Variants in WDPCP observed in about 807,000 individuals in gnomAD.
WDPCP encodes WD repeat containing planar cell polarity effector, also known as WD repeat-containing and planar cell polarity effector protein fritz homolog.
A neutral mutation model predicts 93.1 loss-of-function variants in WDPCP; 71 were observed. The observed-to-expected ratio is 0.76, with a 90% CI of 0.63 to 0.93. The LOEUF is 0.93. Among genes scored for constraint, WDPCP ranks in the 40% least tolerant of loss-of-function variants. The pLI, the probability that WDPCP is intolerant of heterozygous loss-of-function variation, is 0.00. For synonymous variants in WDPCP, 315 were observed against 315.0 expected (o/e 1.00, Z 0.00); for missense variants, 844 against 887.4 (o/e 0.95, Z 0.62).
At chr2:63,796,128 G>A (rs1352808800) in intron 2 of WDPCP, among the ~76,000 whole-genome samples, 1 of 152,216 alleles carries the variant, frequency 6.6e-6, no homozygotes, top group East Asian at 1.9e-4. Context: ...TTCTCTCTGT[G>A]TGCTGTAATT....
At chr2:63,555,795 GAAC>G (rs898763130) in intron 1 of WDPCP, among the ~76,000 whole-genome samples, 4 of 151,590 alleles carry the variant, frequency 2.6e-5, no homozygotes, top group East Asian at 1.9e-4. Context: ...AAACAGAAAG[GAAC>G]AACAACAACA....
intron 13 of WDPCP, among the ~76,000 whole-genome samples, chr2:63,269,315 T>C (rs1278889842): frequency 1.3e-5 from 2 of 152,182 alleles, no homozygotes. Flanking sequence ...CCAATTTGAC[T>C]TATATTAGCA....
At chr2:63,387,730 T>A (rs1264917698) in intron 10 of WDPCP, among the ~76,000 whole-genome samples, 1 of 100,576 alleles carries the variant, frequency 9.9e-6, no homozygotes, top group Non-Finnish European at 2.2e-5. Context: ...GGAAACCCAA[T>A]AGTCTGCCCA....
At chr2:63,179,668 C>G (rs945863450) in intron 14 of WDPCP, among the ~76,000 whole-genome samples, 3 of 152,008 alleles carry the variant, frequency 2.0e-5, no homozygotes, top group African/African-American at 7.2e-5. Context: ...TCCTTTATAG[C>G]AATCCAAGAA....
At chr2:63,286,847 AG>A (rs1684041908) in intron 13 of WDPCP, among the ~76,000 whole-genome samples, 1 of 152,092 alleles carries the variant, frequency 6.6e-6, no homozygotes, top group Admixed American at 6.5e-5. Context: ...TTTTTTATCA[AG>A]TTTTCTTTGT....
At chr2:63,450,331 C>T (rs1012867825) in intron 6 of WDPCP, among the ~76,000 whole-genome samples, 1 of 152,192 alleles carries the variant, frequency 6.6e-6, no homozygotes, top group African/African-American at 2.4e-5. Flanking sequence ...GGTGCTGCTA[C>T]CTGTCTGGGG....
intron 13 of WDPCP, among the ~76,000 whole-genome samples, chr2:63,294,515 A>G (rs1361057993): frequency 6.6e-6 from 1 of 150,908 alleles, no homozygotes; most frequent in Non-Finnish European, 1.5e-5. Context: ...TTCGAAAAAA[A>G]AAAAAAAAAA....
intron 13 of WDPCP, among the ~76,000 whole-genome samples, chr2:63,312,448 G>A (rs894370374): frequency 1.3e-5 from 2 of 152,152 alleles, no homozygotes; most frequent in African/African-American, 4.8e-5. Flanking sequence ...AAACATCAAA[G>A]CTTAATTTAA....
chr2:63,638,176 GGT>G (rs1484916808), intron 3 of WDPCP, among the ~76,000 whole-genome samples: 1 of 152,016 alleles, frequency 6.6e-6, no homozygotes, highest in Non-Finnish European at 1.5e-5. Flanking sequence ...GTGGGCAAAG[GGT>G]GCAAACCTTC....
At chr2:63,206,401 A>C (rs953398034) in intron 14 of WDPCP, among the ~76,000 whole-genome samples, 4 of 152,170 alleles carry the variant, frequency 2.6e-5, no homozygotes, top group African/African-American at 9.7e-5. Context: ...TCAGATATGA[A>C]GTAATACACT....
At chr2:63,486,432 A>T in intron 4 of WDPCP, 110 bp downstream of exon 4, 1 of 960,582 alleles carries the variant, frequency 1.0e-6, no homozygotes, top group Non-Finnish European at 1.6e-6. Context: ...AGTAATAGGA[A>T]TTTAAAAAAT....
chr2:63,342,256 T>C (rs1313482775), intron 12 of WDPCP, among the ~76,000 whole-genome samples: 1 of 152,168 alleles, frequency 6.6e-6, no homozygotes, highest in Non-Finnish European at 1.5e-5. Context: ...TAACAAGCCA[T>C]GGTACCTGGG....
intron 2 of WDPCP, among the ~76,000 whole-genome samples, chr2:63,729,952 A>T (rs1426404007): frequency 6.6e-6 from 1 of 152,136 alleles, no homozygotes; most frequent in East Asian, 1.9e-4. Context: ...TTGGTGCTTC[A>T]TTGGCTGGCA....
chr2:63,463,747 A>G (rs1699176044), intron 6 of WDPCP, among the ~76,000 whole-genome samples: 1 of 152,218 alleles, frequency 6.6e-6, no homozygotes, highest in African/African-American at 2.4e-5. Flanking sequence ...GAGAAAGAAC[A>G]ATCTTTTCAA....
intron 2 of WDPCP, among the ~76,000 whole-genome samples, chr2:63,726,029 G>A (rs13382670): frequency 6.6e-6 from 1 of 152,148 alleles, no homozygotes; most frequent in African/African-American, 2.4e-5. Context: ...TTGCTGTGCA[G>A]AAGCTCTTTA....
intron 1 of WDPCP, among the ~76,000 whole-genome samples, chr2:63,582,576 C>G (rs1051388423): frequency 6.6e-5 from 10 of 152,042 alleles, no homozygotes; most frequent in South Asian, 2.1e-4. Flanking sequence ...CTCCATGAAC[C>G]CCAAGCACAA....
At chr2:63,746,304 G>A (rs7581669) in intron 2 of WDPCP, among the ~76,000 whole-genome samples, 2,228 of 152,042 alleles carry the variant, frequency 0.015, 59 homozygotes, top group African/African-American at 0.051. Context: ...TGTCATCTTC[G>A]TAAGCTGAGG....
At chr2:63,800,255 T>A (rs1371987338) in intron 2 of WDPCP, among the ~76,000 whole-genome samples, 1 of 152,192 alleles carries the variant, frequency 6.6e-6, no homozygotes, top group Non-Finnish European at 1.5e-5. Context: ...GAGAAACTTT[T>A]GAGTTCCTTT....
At chr2:63,829,285 T>C (rs1390947502), upstream of WDPCP, among the ~76,000 whole-genome samples, 1 of 152,192 alleles carries the variant, frequency 6.6e-6, no homozygotes, top group East Asian at 1.9e-4. Flanking sequence ...TGTCTCCTAA[T>C]GTAGGTGGCA....
Sources: allele counts gnomAD v4.1 joint callset (sites outside exome capture counted in the v4.1 genomes callset), GRCh38; gene constraint gnomAD v4.1.1; transcripts MANE v1.5; gene names NCBI Gene and HGNC (gene_info 2026-07-23, HGNC 2026-07-21).